The following BAK1 variants were observed in gnomAD, a reference collection of about 807,000 sequenced individuals.
BAK1 encodes bcl-2 homologous antagonist/killer.
BAK1 carries 19 observed loss-of-function variants against 24.7 expected under a neutral mutation model. That is an observed-to-expected ratio of 0.77 (90% CI 0.54 to 1.13). The LOEUF is 1.13. Ranked by LOEUF, BAK1 falls within the 50% of genes most tolerant of loss-of-function variation. BAK1 has a pLI of 0.00. For synonymous variants in BAK1, 86 were observed against 107.3 expected (o/e 0.80, Z 1.23); for missense variants, 194 against 279.4 (o/e 0.69, Z 2.18).
At position 33,572,553 on chromosome 6, in the gene BAK1, G is replaced by A. The variant is rs1374617387; in HGVS notation, c.*1250C>T. On this transcript the variant is annotated 3_prime_UTR_variant, in exon 6 of 6. Coordinates refer to ENST00000374467, the MANE Select transcript of BAK1 (RefSeq NM_001188.4). Reference sequence around the variant, plus strand: ...GAGAATACAAAAACTAAGTCAGGGTGAGGGGATTGCACAGTTTATTTCCAA... The same window carrying A: ...GAGAATACAAAAACTAAGTCAGGGTAAGGGGATTGCACAGTTTATTTCCAA... 6.6e-6 allele frequency: 1 copy of A among 152,412 alleles called. No homozygotes were observed. The highest frequency in any genetic ancestry group is 1.5e-5 in the Non-Finnish European group (1 of 68,066). The allele number at this position is 152,412 out of a possible 1,614,324, so 9.4% of individuals were successfully genotyped here.
chr6:33,574,075 G>A lies in BAK1; in HGVS notation c.490C>T (p.His164Tyr), dbSNP rs776913532. 1 of 1,614,240 alleles carries A rather than the reference G, an allele frequency of 6.2e-7. No individual in the cohort carries two copies. Among genetic ancestry groups the A allele is most frequent in the Non-Finnish European group, 8.5e-7 (1 of 1,180,046 alleles). ...GCAATCCACCGGGCAATGCAGTGAT[G>A]CAGCATGAAGTCGACCACGAAGCGG... ...VTRFVVDFML[H>Y]HCIARWIAQR... is the part of the protein sequence containing the mutation. The change falls in exon 5 of 6, where the codon CAT (histidine) becomes TAT (tyrosine). Residue 164 changes from histidine (H) to tyrosine (Y), a missense_variant. Transcript: ENST00000374467.
In BAK1 at chr6:33,572,592, A is replaced by G. The variant is rs1198594422; in HGVS notation, c.*1211T>C. The G allele has an allele frequency of 1.3e-5, 2 of 152,568 alleles. No individual in the cohort carries two copies. The highest frequency in any genetic ancestry group is 4.8e-5 in the African/African-American group (2 of 41,392). 9.5% of individuals were successfully genotyped at this position (152,568 alleles called of 1,614,324 possible). A position where few individuals can be genotyped will look rare whatever the true frequency, so the allele number is the denominator to read the frequency against. ...GTTTATTTCCAAACACTCAGAGGATAGGGGGTGGCCTATGGGCTCCATCTG... is the reference window on the plus strand; with the variant it reads ...GTTTATTTCCAAACACTCAGAGGATGGGGGGTGGCCTATGGGCTCCATCTG... On this transcript the variant is annotated 3_prime_UTR_variant, in exon 6 of 6. Transcript: ENST00000374467.
chr6:33,576,986 G>A (rs1437732116), intron 2 of BAK1, among the ~76,000 whole-genome samples: 2 of 152,228 alleles, frequency 1.3e-5, no homozygotes, highest in African/African-American at 4.8e-5. Flanking sequence ...ATTTGTAGCT[G>A]CGGCCCAGAA....
chr6:33,575,458 C>T lies in BAK1; in HGVS notation c.207-17G>A, dbSNP rs568665592. On this transcript the variant is annotated splice_polypyrimidine_tract_variant and intron_variant, in intron 3 of 5. Coordinates refer to ENST00000374467, the MANE Select transcript of BAK1 (RefSeq NM_001188.4). The surrounding 1 kb of genome is among the most constrained non-coding windows in gnomAD (Gnocchi z 6.3). ...CCCATGGTGCTGTAGGAGCAGGAGG[C>T]ATGCAGGTGAGCCAGTAACCAGGCA... is the stretch of plus-strand genomic sequence containing the variant. 2 of 1,612,854 alleles carry T rather than the reference C, an allele frequency of 1.2e-6. No homozygotes were observed. The highest frequency in any genetic ancestry group is 2.2e-5 in the East Asian group (1 of 44,886).
In BAK1 at chr6:33,578,409, G is replaced by A. The variant is rs926313967; in HGVS notation, c.-31-774C>T. On this transcript the variant is annotated intron_variant, in intron 1 of 5. Transcript: ENST00000374467. The surrounding 1 kb of genome is among the most constrained non-coding windows in gnomAD (Gnocchi z 4.8). Reference sequence around the variant, plus strand: ...TGCCCGAGGTCACATCGTTAGTCACGGAAAGTCAGGTTGTTTGTCTGAATC... The same window carrying A: ...TGCCCGAGGTCACATCGTTAGTCACAGAAAGTCAGGTTGTTTGTCTGAATC... Among the ~76,000 whole-genome samples, 3 of 152,186 alleles carry A rather than the reference G, an allele frequency of 2.0e-5. No individual in the cohort carries two copies. Among genetic ancestry groups the A allele is most frequent in the East Asian group, 1.9e-4 (1 of 5,202 alleles).
chr6:33,575,906 T>G lies in BAK1; in HGVS notation c.93A>C (p.Thr31=). 6.2e-7 allele frequency: 1 copy of G among 1,614,136 alleles called. No homozygotes were observed. Among genetic ancestry groups the G allele is most frequent in the Non-Finnish European group, 8.5e-7 (1 of 1,180,018 alleles). ...AAACGTAGCTGCGGAAAACCTCCTC[T>G]GTGTCCTGGGCTACCTGCTCCTCTG... ...SASEEQVAQD[T]EEVFRSYVFY... is the part of the protein sequence containing the mutation. The change falls in exon 3 of 6, where the codon ACA becomes ACC. Residue 31 remains threonine (T), a synonymous_variant. Coordinates refer to ENST00000374467, the MANE Select transcript of BAK1 (RefSeq NM_001188.4). This position sits in a 1 kb window ranked among gnomAD's most constrained non-coding sequence, Gnocchi z 6.3.
rs1762838747 is a variant in BAK1, at chr6:33,575,963, C to T, written c.71-35G>A. On this transcript the variant is annotated intron_variant, in intron 2 of 5. Transcript: ENST00000374467. This position sits in a 1 kb window ranked among gnomAD's most constrained non-coding sequence, Gnocchi z 6.3. Reference sequence around the variant, plus strand: ...AAAGCTGGGAGTCAGGGAGAGAGGGCCGAACCCTGGCAGCCCCATGCCTTA... The same window carrying T: ...AAAGCTGGGAGTCAGGGAGAGAGGGTCGAACCCTGGCAGCCCCATGCCTTA... The T allele has an allele frequency of 1.2e-6, 2 of 1,612,802 alleles. No individual in the cohort carries two copies. The highest frequency in any genetic ancestry group is 2.7e-5 in the African/African-American group (2 of 74,890).
chr6:33,574,414 T>C, intron 4 of BAK1, 200 bp from the exon 5 acceptor site: 1 of 1,482,544 alleles, frequency 6.7e-7, no homozygotes, highest in Non-Finnish European at 9.1e-7. Flanking sequence ...GCAGATGAGC[T>C]GGATGCCACT....
rs1051945 is a variant in BAK1, at chr6:33,572,647, G to T, written c.*1156C>A. ...CCCTCCCTGCATTTGGCTGAATCAA[G>T]AACTTCTCCCCCCTGACCCCCAAGA... On this transcript the variant is annotated 3_prime_UTR_variant, in exon 6 of 6. Coordinates refer to ENST00000374467, the MANE Select transcript of BAK1 (RefSeq NM_001188.4). 6.5e-6 allele frequency: 1 copy of T among 152,728 alleles called. No individual in the cohort carries two copies. Among genetic ancestry groups the T allele is most frequent in the Admixed American group, 6.5e-5 (1 of 15,272 alleles). 9.5% of individuals were successfully genotyped at this position (152,728 alleles called of 1,614,324 possible).
At chr6:33,576,055 G>A (rs1762840039) in intron 2 of BAK1, 127 bp from the exon 3 acceptor site, 2 of 1,413,218 alleles carry the variant, frequency 1.4e-6, no homozygotes, top group African/African-American at 2.9e-5. Context: ...CCAACCAGGT[G>A]CGGTGGCTCA....
chr6:33,574,582 G>A (rs2151255162), intron 4 of BAK1: 1 of 1,312,890 alleles, frequency 7.6e-7, no homozygotes, highest in Non-Finnish European at 1.0e-6. Flanking sequence ...GGTAGTTCCT[G>A]TCATCACAGT....
chr6:33,575,662 TAA>T lies in BAK1; in HGVS notation c.206+129_206+130del. ...CCTGGATGGGGGTGGGAGCCCAACATAAAAGAGGAGCAACCATGAGAGAAGGG... is the reference window on the plus strand; with the variant it reads ...CCTGGATGGGGGTGGGAGCCCAACATAAGAGGAGCAACCATGAGAGAAGGG... On this transcript the variant is annotated intron_variant, in intron 3 of 5. Coordinates refer to ENST00000374467, the MANE Select transcript of BAK1 (RefSeq NM_001188.4). This position sits in a 1 kb window ranked among gnomAD's most constrained non-coding sequence, Gnocchi z 6.3. 6.9e-7 allele frequency: 1 copy of T among 1,439,078 alleles called. No homozygotes were observed. The highest frequency in any genetic ancestry group is 9.4e-7 in the Non-Finnish European group (1 of 1,065,818). 89.1% of individuals were successfully genotyped at this position (1,439,078 alleles called of 1,614,324 possible).
At position 33,577,692 on chromosome 6, in the gene BAK1, G is replaced by C. The variant is rs1193464213; in HGVS notation, c.-31-57C>G. 1 of 1,253,878 alleles carries C rather than the reference G, an allele frequency of 8.0e-7. No homozygotes were observed. Among genetic ancestry groups the C allele is most frequent in the African/African-American group, 1.5e-5 (1 of 66,640 alleles). 77.7% of individuals were successfully genotyped at this position (1,253,878 alleles called of 1,614,324 possible). On this transcript the variant is annotated intron_variant, in intron 1 of 5. Coordinates refer to ENST00000374467, the MANE Select transcript of BAK1 (RefSeq NM_001188.4). The surrounding 1 kb of genome is among the most constrained non-coding windows in gnomAD (Gnocchi z 4.6). ...GGGGTGAGCACAGACCTGTGACTGG[G>C]GACCCCATACAGGTTGCCATGTCCA...
intron 4 of BAK1, chr6:33,574,427 T>C (rs1762809857): frequency 6.7e-7 from 1 of 1,496,886 alleles, no homozygotes; most frequent in Non-Finnish European, 9.0e-7. Flanking sequence ...ATGCCACTGC[T>C]GGGGTGTACG....
At chr6:33,576,820 T>C (rs1305510872) in intron 2 of BAK1, among the ~76,000 whole-genome samples, 16 of 151,926 alleles carry the variant, frequency 1.1e-4, no homozygotes, top group Admixed American at 1.0e-3. Context: ...AGGGGGAAAA[T>C]GGCACAGGGT....
rs1343930856 is a variant in BAK1 at position 33,575,596 on chromosome 6, C to T, written c.207-155G>A. The stretch of plus-strand genomic sequence containing the variant: ...TGTTCTAAGACATGAGTGCTGGGCT[C>T]CAGGAGAAGGGGCAGGCATGGGCTA... On this transcript the variant is annotated intron_variant, in intron 3 of 5. Transcript: ENST00000374467. The surrounding 1 kb of genome is among the most constrained non-coding windows in gnomAD (Gnocchi z 6.3). The T allele has an allele frequency of 7.8e-7, 1 of 1,285,442 alleles. No homozygotes were observed. The highest frequency in any genetic ancestry group is 1.1e-6 in the Non-Finnish European group (1 of 932,076). 79.6% of individuals were successfully genotyped at this position (1,285,442 alleles called of 1,614,324 possible). A position where few individuals can be genotyped will look rare whatever the true frequency, so the allele number is the denominator to read the frequency against.
intron 2 of BAK1, among the ~76,000 whole-genome samples, chr6:33,576,369 G>T (rs1476375225): frequency 6.9e-6 from 1 of 145,134 alleles, no homozygotes; most frequent in Non-Finnish European, 1.5e-5. Context: ...GGTGGCTCAT[G>T]CCTGTAATCC....
At position 33,575,837 on chromosome 6, in the gene BAK1, G is replaced by T; in HGVS notation, c.162C>A (p.Ala54=). ...AGGTGACCATCTCTGGGTCGGCAGG[G>T]GCAGCCACCCCTTCAGCCTCCTGTT... The part of the protein sequence containing the change: ...QQEQEAEGVA[A]PADPEMVTLP... The change falls in exon 3 of 6, where the codon GCC becomes GCA. Residue 54 remains alanine (A), a synonymous_variant. Transcript: ENST00000374467. The surrounding 1 kb of genome is among the most constrained non-coding windows in gnomAD (Gnocchi z 6.3). The T allele has an allele frequency of 6.2e-7, 1 of 1,613,752 alleles. No homozygotes were observed. The highest frequency in any genetic ancestry group is 1.7e-5 in the Admixed American group (1 of 60,002).
chr6:33,575,094 G>A lies in BAK1; in HGVS notation c.350+204C>T, dbSNP rs529317166. ...GACCTTGGAGTCAGAGCTCAAAAGA[G>A]CTGTGAGCTAATGCCCAAAATACAA... is the stretch of plus-strand genomic sequence containing the variant. On this transcript the variant is annotated intron_variant, in intron 4 of 5. Coordinates refer to ENST00000374467, the MANE Select transcript of BAK1 (RefSeq NM_001188.4). This position sits in a 1 kb window ranked among gnomAD's most constrained non-coding sequence, Gnocchi z 6.3. The A allele has an allele frequency of 1.0e-3, 745 of 725,384 alleles. 5 individuals carry two copies. Among genetic ancestry groups the A allele is most frequent in the Middle Eastern group, 3.7e-3 (15 of 4,048 alleles). 44.9% of individuals were successfully genotyped at this position (725,384 alleles called of 1,614,324 possible).
Sources: allele counts gnomAD v4.1 joint callset (sites outside exome capture counted in the v4.1 genomes callset), GRCh38; gene constraint gnomAD v4.1.1; non-coding constraint Gnocchi (gnomAD v3.1); transcripts MANE v1.5; gene names NCBI Gene and HGNC (gene_info 2026-07-23, HGNC 2026-07-21).